EHBP1L1: variants seen among roughly 807,000 people sequenced by gnomAD.
EHBP1L1 encodes EH domain-binding protein 1-like protein 1.
EHBP1L1 carries 122 observed loss-of-function variants against 151.1 expected under a neutral mutation model. That is an observed-to-expected ratio of 0.81 (90% CI 0.70 to 0.94). The LOEUF (loss-of-function observed/expected upper bound fraction) is 0.94. EHBP1L1 is among the 40% of genes least tolerant of loss of function. The pLI, the probability that EHBP1L1 is intolerant of heterozygous loss-of-function variation, is 0.00. For missense variants in EHBP1L1, 1,941 were observed against 1,959.8 expected (o/e 0.99, Z 0.18); for synonymous variants, 878 against 810.1 (o/e 1.08, Z -1.42).
chr11:65,583,098 T>G lies in EHBP1L1; in HGVS notation c.2426T>G (p.Ile809Arg). The part of the protein sequence containing the change: ...KEVGGSEVPE[I>R]ATGTAETEIL... ...GTTGGGGGTTCAGAGGTTCCAGAGA[T>G]AGCGACTGGGACAGCAGAAACTGAG... Residue 809 changes from isoleucine (I) to arginine (R), a missense_variant, in exon 9 of 19, where the codon ATA becomes AGA. By Grantham distance (97) the Ile-to-Arg change is moderately conservative (BLOSUM62 -3). Coordinates refer to ENST00000309295, the MANE Select transcript of EHBP1L1 (RefSeq NM_001099409.3). 6.2e-7 allele frequency: 1 copy of G among 1,613,056 alleles called. No homozygotes were observed. The highest frequency in any genetic ancestry group is 8.5e-7 in the Non-Finnish European group (1 of 1,179,688).
Position 65,576,138 on chromosome 11 carries a change from CCCAGCGGCG to C in EHBP1L1, c.-164_-156del. The C allele has an allele frequency of 2.2e-6, 1 of 453,850 alleles. No homozygotes were observed. Among genetic ancestry groups the C allele is most frequent in the Admixed American group, 4.6e-5 (1 of 21,548 alleles). The allele number at this position is 453,850 out of a possible 1,614,324, so 28.1% of individuals were successfully genotyped here. A position where few individuals can be genotyped will look rare whatever the true frequency, so the allele number is the denominator to read the frequency against. ...GACTCAGCCAGACCACCCTGCGGGC[CCCAGCGGCG>C]GCAGCGGAGAGCGCGGTCCCGGGTC... On this transcript the variant is annotated 5_prime_UTR_variant, in exon 1 of 19. Coordinates refer to ENST00000309295, the MANE Select transcript of EHBP1L1 (RefSeq NM_001099409.3).
rs141669012 is a variant in EHBP1L1, at chr11:65,581,921, G to A, written c.1249G>A (p.Glu417Lys). 169 of 1,613,790 alleles carry A rather than the reference G, an allele frequency of 1.0e-4. No homozygotes were observed. The highest frequency in any genetic ancestry group is 1.3e-4 in the Non-Finnish European group (158 of 1,179,830). ...RSGVRAGEAE[E>K]SSAVCQVDAE... is the part of the protein sequence containing the mutation. ...AGGAGTCAGAGCTGGGGAGGCTGAA[G>A]AGAGTTCAGCAGTTTGTCAAGTGGA... is the stretch of plus-strand genomic sequence containing the variant. Residue 417 changes from glutamate to lysine, a missense_variant, in exon 9 of 19, where the codon GAG becomes AAG. Physicochemically the swap from Glu to Lys is moderately conservative, Grantham distance 56 (BLOSUM62 1). Transcript: ENST00000309295.
rs182680664 is a variant in EHBP1L1, at chr11:65,592,608, C to T, written c.*306C>T. On this transcript the variant is annotated 3_prime_UTR_variant, in exon 19 of 19. Coordinates refer to ENST00000309295, the MANE Select transcript of EHBP1L1 (RefSeq NM_001099409.3). ...GCACTACCGCCCCGCGCTGGCTTGCCCTCCTGTTCTCCAGAGCAATAAAGT... is the reference window on the plus strand; with the variant it reads ...GCACTACCGCCCCGCGCTGGCTTGCTCTCCTGTTCTCCAGAGCAATAAAGT... 1.2e-4 allele frequency: 26 copies of T among 220,720 alleles called. 1 individual carries two copies. Among genetic ancestry groups the T allele is most frequent in the Non-Finnish European group, 2.1e-4 (23 of 111,038 alleles). 13.7% of individuals were successfully genotyped at this position (220,720 alleles called of 1,614,324 possible).
At chr11:65,584,010 T>A (rs2135282243) in intron 9 of EHBP1L1, 1 of 1,406,868 alleles carries the variant, frequency 7.1e-7, no homozygotes, top group Non-Finnish European at 9.2e-7. Flanking sequence ...GAGGTGTGGC[T>A]GCTGGTGACC....
Position 65,580,340 on chromosome 11 carries a change from C to T in EHBP1L1, c.495C>T (p.Asp165=), listed in dbSNP as rs773449464. 2.3e-5 allele frequency: 37 copies of T among 1,613,630 alleles called. No individual in the cohort carries two copies. Among genetic ancestry groups the T allele is most frequent in the South Asian group, 5.5e-5 (5 of 91,086 alleles). Residue 165 remains aspartate, a synonymous_variant, in exon 6 of 19, where the codon GAC becomes GAT. Coordinates refer to ENST00000309295, the MANE Select transcript of EHBP1L1 (RefSeq NM_001099409.3). The part of the protein sequence containing the change: ...GVLLREGRAT[D]DDMQSLASLM... ...ACCTTTAACCTCTGCCTCCCAGGGA[C>T]GATGACATGCAGAGTCTCGCAAGCC...
chr11:65,578,485 CA>C (rs2135226946), intron 1 of EHBP1L1, among the ~76,000 whole-genome samples: 1 of 152,280 alleles, frequency 6.6e-6, no homozygotes, highest in African/African-American at 2.4e-5. Flanking sequence ...AGGAGACCCC[CA>C]GGGGTTCCCT....
rs930702431 is a variant in EHBP1L1, at chr11:65,592,383, G to A, written c.*81G>A. On this transcript the variant is annotated 3_prime_UTR_variant, in exon 19 of 19. Transcript: ENST00000309295. ...CCGGGCCTGCGCTGCGGACGACCCG[G>A]CCGTCCCGGAGGCCGCGCGCGTGTC... 18 of 1,107,892 alleles carry A rather than the reference G, an allele frequency of 1.6e-5. No homozygotes were observed. In the East Asian group the frequency reaches 7.7e-4, roughly 47 times the overall value. 68.6% of individuals were successfully genotyped at this position (1,107,892 alleles called of 1,614,324 possible). A position where few individuals can be genotyped will look rare whatever the true frequency, so the allele number is the denominator to read the frequency against.
chr11:65,587,157 G>A (rs1241128962), intron 12 of EHBP1L1, among the ~76,000 whole-genome samples: 4 of 152,296 alleles, frequency 2.6e-5, no homozygotes, highest in East Asian at 3.9e-4. Context: ...GGCAGATCAC[G>A]AGGTCAGGAG....
At position 65,592,262 on chromosome 11, in the gene EHBP1L1, G is replaced by A; in HGVS notation, c.4532G>A (p.Ser1511Asn). ...CTGGAACAGCGGCGCCGCAAGCTGA[G>A]CCGGCAGTTGAGCCGGCGGGAGCGC... Reference protein sequence around the residue: ...RGLEQRRRKLSRQLSRRERCV... With the variant: ...RGLEQRRRKLNRQLSRRERCV... The change falls in exon 19 of 19, where the codon AGC becomes AAC. Residue 1511 changes from serine to asparagine, a missense_variant. Transcript: ENST00000309295. The A allele has an allele frequency of 6.5e-7, 1 of 1,532,390 alleles. No homozygotes were observed. Among genetic ancestry groups the A allele is most frequent in the African/African-American group, 1.4e-5 (1 of 72,966 alleles). The allele number at this position is 1,532,390 out of a possible 1,614,324, so 94.9% of individuals were successfully genotyped here.
At chr11:65,584,871 G>C in intron 11 of EHBP1L1, 88 bp from the exon 12 acceptor site, 1 of 1,475,748 alleles carries the variant, frequency 6.8e-7, no homozygotes, top group Non-Finnish European at 9.0e-7. Flanking sequence ...TGCCAATCCC[G>C]GGGACCCCCT....
chr11:65,580,137 T>G lies in EHBP1L1; in HGVS notation c.369T>G (p.His123Gln), dbSNP rs768021516. 3 of 1,613,648 alleles carry G rather than the reference T, an allele frequency of 1.9e-6. No homozygotes were observed. Among genetic ancestry groups the G allele is most frequent in the Admixed American group, 3.3e-5 (2 of 60,012 alleles). The change falls in exon 5 of 19, where the codon CAT (histidine) becomes CAG (glutamine). Residue 123 changes from histidine to glutamine, a missense_variant. By Grantham distance (24) the His-to-Gln change is conservative (BLOSUM62 0). Transcript: ENST00000309295. ...LATAEVDLAR[H>Q]AGPVPVQVPV... Reference sequence around the variant, plus strand: ...CGGCCGAGGTGGACCTGGCCCGCCATGCAGGGCCCGTGCCTGTCCAAGTCC... The same window carrying G: ...CGGCCGAGGTGGACCTGGCCCGCCAGGCAGGGCCCGTGCCTGTCCAAGTCC...
In EHBP1L1 at chr11:65,582,975, C is replaced by A. The variant is rs1197291582; in HGVS notation, c.2303C>A (p.Ala768Glu). The change falls in exon 9 of 19, where the codon GCA (alanine) becomes GAA (glutamate). Residue 768 changes from alanine (A) to glutamate (E), a missense_variant. Physicochemically the swap from Ala to Glu is moderately radical, Grantham distance 107. Coordinates refer to ENST00000309295, the MANE Select transcript of EHBP1L1 (RefSeq NM_001099409.3). ...GGGGTTCTGGGAATAGAGACTGGGG[C>A]AGCAGAAGGTGCGATATTGGGGACC... The part of the protein sequence containing the change: ...LLGVLGIETG[A>E]AEGAILGTQE... The A allele has an allele frequency of 6.2e-7, 1 of 1,612,798 alleles. No homozygotes were observed. The highest frequency in any genetic ancestry group is 1.1e-5 in the South Asian group (1 of 91,032).
chr11:65,579,508 C>T (rs937671196), intron 3 of EHBP1L1, 72 bp downstream of exon 3: 2 of 1,255,288 alleles, frequency 1.6e-6, no homozygotes, highest in Non-Finnish European at 1.1e-6. Context: ...ACACAGGTCT[C>T]CTGGTAGGTT....
rs377050716 is a variant in EHBP1L1, at chr11:65,580,474, A to G, written c.629A>G (p.Gln210Arg). The change falls in exon 6 of 19, where the codon CAG (glutamine) becomes CGG (arginine). Residue 210 changes from glutamine (Q) to arginine (R), a missense_variant. Coordinates refer to ENST00000309295, the MANE Select transcript of EHBP1L1 (RefSeq NM_001099409.3). ...CCGGAGGCCCGGGCTCGAGTCCCCCAGCCAGGTGGGCTCACAGCCTGCTGT... is the reference window on the plus strand; with the variant it reads ...CCGGAGGCCCGGGCTCGAGTCCCCCGGCCAGGTGGGCTCACAGCCTGCTGT... ...GAPEARARVPQPDPSRELKTL... is the reference protein window; with the variant it reads ...GAPEARARVPRPDPSRELKTL... 21 of 1,611,676 alleles carry G rather than the reference A, an allele frequency of 1.3e-5. 1 individual carries two copies. Among genetic ancestry groups the G allele is most frequent in the East Asian group, 2.2e-5 (1 of 44,888 alleles).
Position 65,581,882 on chromosome 11 carries a change from A to G in EHBP1L1, c.1210A>G (p.Asn404Asp). 6.2e-7 allele frequency: 1 copy of G among 1,613,686 alleles called. No homozygotes were observed. Among genetic ancestry groups the G allele is most frequent in the Non-Finnish European group, 8.5e-7 (1 of 1,179,796 alleles). The stretch of plus-strand genomic sequence containing the variant: ...GCCAAGGTCAGGAGGCAGAGAGGCA[A>G]ACACTAAGAGGTCAGGAGTCAGAGC... ...TEPRSGGREA[N>D]TKRSGVRAGE... is the part of the protein sequence containing the mutation. The change falls in exon 9 of 19, where the codon AAC (asparagine) becomes GAC (aspartate). Residue 404 changes from asparagine to aspartate, a missense_variant. By Grantham distance (23) the Asn-to-Asp change is conservative. Coordinates refer to ENST00000309295, the MANE Select transcript of EHBP1L1 (RefSeq NM_001099409.3).
At position 65,580,583 on chromosome 11, in the gene EHBP1L1, T is replaced by C; in HGVS notation, c.634+104T>C. 4 of 1,474,638 alleles carry C rather than the reference T, an allele frequency of 2.7e-6. 1 individual carries two copies. The South Asian group carries it at 5.2e-5, about 19-fold the overall frequency. The allele number at this position is 1,474,638 out of a possible 1,614,324, so 91.3% of individuals were successfully genotyped here. On this transcript the variant is annotated intron_variant, in intron 6 of 18. Transcript: ENST00000309295. Reference sequence around the variant, plus strand: ...GTGCCCGCCCTGTGATGGGAACTCATTACTGCCCAGGCAGTCCCAACCAAC... The same window carrying C: ...GTGCCCGCCCTGTGATGGGAACTCACTACTGCCCAGGCAGTCCCAACCAAC...
At chr11:65,587,432 G>A (rs901521082) in intron 12 of EHBP1L1, among the ~76,000 whole-genome samples, 6 of 151,962 alleles carry the variant, frequency 3.9e-5, no homozygotes, top group Non-Finnish European at 7.3e-5. Context: ...ATTCCCACGA[G>A]GCCTGGCATG....
chr11:65,585,467 C>A lies in EHBP1L1; in HGVS notation c.3809C>A (p.Ala1270Glu), dbSNP rs1240465431. 6.5e-7 allele frequency: 1 copy of A among 1,533,148 alleles called. No homozygotes were observed. The highest frequency in any genetic ancestry group is 1.2e-5 in the South Asian group (1 of 84,030). The allele number at this position is 1,533,148 out of a possible 1,614,324, so 95.0% of individuals were successfully genotyped here. The change falls in exon 12 of 19, where the codon GCG becomes GAG. Residue 1270 changes from alanine (A) to glutamate (E), a missense_variant. Ala to Glu is a moderately radical substitution (Grantham distance 107). Transcript: ENST00000309295. The surrounding 1 kb of genome is among the most constrained non-coding windows in gnomAD (Gnocchi z 4.0). ...CCCGGGTCGGTGCCCCCGCCCCGCG[C>A]GCACGGCTCCTTCTCCCACGTGCGC... ...GEPGSVPPPR[A>E]HGSFSHVRDA...
At chr11:65,584,083 A>G in intron 9 of EHBP1L1, 158 bp from the exon 10 acceptor site, 5 of 1,464,304 alleles carry the variant, frequency 3.4e-6, no homozygotes, top group Non-Finnish European at 4.5e-6. Flanking sequence ...CTGGATCTAG[A>G]AACCCTTTTA....
Sources: allele counts gnomAD v4.1 joint callset (sites outside exome capture counted in the v4.1 genomes callset), GRCh38; gene constraint gnomAD v4.1.1; non-coding constraint Gnocchi (gnomAD v3.1); transcripts MANE v1.5; gene names NCBI Gene and HGNC (gene_info 2026-07-23, HGNC 2026-07-21).